Variants in CBLC observed in about 807,000 individuals in gnomAD.
CBLC encodes the protein Cbl proto-oncogene C, also known as E3 ubiquitin-protein ligase CBL-C.
In CBLC, 46 loss-of-function variants were observed where a neutral mutation model predicts 58.6. The ratio of observed to expected loss-of-function variants is 0.79; its 90% CI spans 0.62 to 1.00. The LOEUF (loss-of-function observed/expected upper bound fraction) is 1.00, where lower values mean the gene tolerates loss of function less well. Ranked by LOEUF, CBLC falls within the 50% of genes least tolerant of loss-of-function variation. The pLI is 0.00. For missense variants in CBLC, 655 were observed against 625.8 expected (o/e 1.05, Z -0.50); for synonymous variants, 271 against 264.2 (o/e 1.03, Z -0.25).
chr19:44,794,284 G>A lies in CBLC; in HGVS notation c.1362+3G>A, dbSNP rs764791471. The stretch of plus-strand genomic sequence containing the variant: ...CCAGAAATGCCCAGCCGAAAGTGGT[G>A]AGTCAGGCGCTGGTCTGAGGTTGGG... On this transcript the variant is annotated splice_donor_region_variant and intron_variant, in intron 9 of 10. Transcript: ENST00000647358. 2 of 1,612,868 alleles carry A rather than the reference G, an allele frequency of 1.2e-6. No individual in the cohort carries two copies. The highest frequency in any genetic ancestry group is 1.7e-6 in the Non-Finnish European group (2 of 1,179,500).
At chr19:44,799,378 G>A (rs890043751) in intron 9 of CBLC, among the ~76,000 whole-genome samples, 8 of 152,178 alleles carry the variant, frequency 5.3e-5, no homozygotes, top group African/African-American at 1.9e-4. Flanking sequence ...TGTTGCCCAG[G>A]CTGGAGTGCA....
chr19:44,798,018 C>T (rs1968214485), intron 9 of CBLC, among the ~76,000 whole-genome samples: 2 of 152,056 alleles, frequency 1.3e-5, no homozygotes. Context: ...GGTGCTGTGG[C>T]CCCTGGGGTT....
At position 44,800,575 on chromosome 19, in the gene CBLC, G is replaced by C. The variant is rs1176182592; in HGVS notation, c.*32G>C. ...GGGCACCCAGATGTGCTGCTCAAGG[G>C]AGCCCCAAGGGCTGGAAGGGGGTTG... is the stretch of plus-strand genomic sequence containing the variant. On this transcript the variant is annotated 3_prime_UTR_variant, in exon 11 of 11. Transcript: ENST00000647358. 1.2e-5 allele frequency: 7 copies of C among 607,926 alleles called. No individual in the cohort carries two copies. Among genetic ancestry groups the C allele is most frequent in the Admixed American group, 3.0e-5 (1 of 33,290 alleles). 37.7% of individuals were successfully genotyped at this position (607,926 alleles called of 1,614,324 possible).
chr19:44,783,224 A>T (rs569084710), intron 4 of CBLC, among the ~76,000 whole-genome samples: 1 of 151,868 alleles, frequency 6.6e-6, no homozygotes, highest in African/African-American at 2.4e-5. Flanking sequence ...TACAAAAATT[A>T]GGCCTGGCGC....
intron 6 of CBLC, 50 bp downstream of exon 6, chr19:44,790,141 C>G (rs1347061652): frequency 4.2e-6 from 6 of 1,419,974 alleles, no homozygotes; most frequent in Non-Finnish European, 6.0e-6. Context: ...CCCTGCCACC[C>G]CCACGTTGCC....
In CBLC at chr19:44,794,259, C is replaced by T. The variant is rs763325522; in HGVS notation, c.1340C>T (p.Pro447Leu). Residue 447 changes from proline (P) to leucine (L), a missense_variant, in exon 9 of 11, where the codon CCC becomes CTC. Pro to Leu is a moderately conservative substitution (Grantham distance 98). Coordinates refer to ENST00000647358, the MANE Select transcript of CBLC (RefSeq NM_012116.4). ...CGGCCAGATCTGCCCCCCAGGAAGC[C>T]CAGAAATGCCCAGCCGAAAGTGGTG... is the stretch of plus-strand genomic sequence containing the variant. Reference protein sequence around the residue: ...PPRPDLPPRKPRNAQPKVRLL... With the variant: ...PPRPDLPPRKLRNAQPKVRLL... The T allele has an allele frequency of 5.6e-6, 9 of 1,612,664 alleles. No individual in the cohort carries two copies. The Admixed American group carries it at 1.5e-4, about 27-fold the overall frequency.
At chr19:44,794,162 G>C in intron 8 of CBLC, 42 bp from the exon 9 acceptor site, 1 of 1,579,450 alleles carries the variant, frequency 6.3e-7, no homozygotes, top group Non-Finnish European at 8.6e-7. Flanking sequence ...AGAAGAAAAT[G>C]GCAGCTCACA....
intron 5 of CBLC, among the ~76,000 whole-genome samples, chr19:44,785,532 GTAGATAGATAGATAGATAGATAGA>G (rs56894232): frequency 0.016 from 2,363 of 149,012 alleles, 60 homozygotes; most frequent in South Asian, 0.056. Flanking sequence ...AGTCAGATAG[GTAGATAGATAGATAGATAGATAGA>G]TAGATAGATA....
intron 6 of CBLC, 57 bp from the exon 7 acceptor site, chr19:44,792,326 G>T: frequency 6.2e-7 from 1 of 1,600,536 alleles, no homozygotes. Context: ...GGCCCAAGTT[G>T]TGTCCCCGTG....
chr19:44,794,028 TG>T, intron 8 of CBLC, 175 bp from the exon 9 acceptor site: 1 of 687,528 alleles, frequency 1.5e-6, no homozygotes, highest in Non-Finnish European at 1.8e-6. Flanking sequence ...CCCCAAGGGC[TG>T]GGGCTGTGGC....
At chr19:44,792,567 G>A in intron 7 of CBLC, 53 bp downstream of exon 7, 1 of 1,491,984 alleles carries the variant, frequency 6.7e-7, no homozygotes, top group Non-Finnish European at 8.9e-7. Context: ...TCTCTACAGG[G>A]AAAGCCCCAA....
intron 5 of CBLC, among the ~76,000 whole-genome samples, chr19:44,785,849 T>C (rs1441581331): frequency 6.6e-6 from 1 of 151,922 alleles, no homozygotes; most frequent in Non-Finnish European, 1.5e-5. Context: ...GAGGCAGAAT[T>C]GCTTGAACCT....
At chr19:44,781,426 T>C in intron 3 of CBLC, 63 bp downstream of exon 3, 1 of 1,512,524 alleles carries the variant, frequency 6.6e-7, no homozygotes, top group Non-Finnish European at 9.0e-7. Flanking sequence ...GGCTGAATCC[T>C]GGATTCCTGG....
chr19:44,792,543 C>T, intron 7 of CBLC, 29 bp downstream of exon 7: 1 of 1,553,830 alleles, frequency 6.4e-7, no homozygotes, highest in Non-Finnish European at 8.7e-7. Flanking sequence ...GCGCCTTCCC[C>T]TCTGGTCTCC....
chr19:44,783,353 C>T (rs1178442428), intron 4 of CBLC, among the ~76,000 whole-genome samples: 1 of 151,948 alleles, frequency 6.6e-6, no homozygotes, highest in Non-Finnish European at 1.5e-5. Context: ...CTAAAAATAC[C>T]AAAAATTTAG....
chr19:44,778,183 G>A lies in CBLC; in HGVS notation c.252G>A (p.Leu84=). 1 of 1,531,964 alleles carries A rather than the reference G, an allele frequency of 6.5e-7. No homozygotes were observed. The allele number at this position is 1,531,964 out of a possible 1,614,324, so 94.9% of individuals were successfully genotyped here. Residue 84 remains leucine (L), a synonymous_variant, in exon 1 of 11, where the codon CTG becomes CTA. Coordinates refer to ENST00000647358, the MANE Select transcript of CBLC (RefSeq NM_012116.4). ...CTGGGGACTTTCTACTCATCTACCT[G>A]GCCAATCTGGAGGCCAAGAGCAGGC... ...GGSGDFLLIY[L]ANLEAKSRQV...
intron 6 of CBLC, among the ~76,000 whole-genome samples, chr19:44,790,781 A>G (rs1707651236): frequency 1.3e-5 from 2 of 152,186 alleles, no homozygotes; most frequent in Admixed American, 1.3e-4. Flanking sequence ...TATTTGGGAC[A>G]TCCTTATACT....
chr19:44,786,438 A>T (rs538197212), intron 5 of CBLC, among the ~76,000 whole-genome samples: 1 of 150,736 alleles, frequency 6.6e-6, no homozygotes, highest in East Asian at 2.0e-4. Flanking sequence ...AAAAACACAC[A>T]AAAAAAATTA....
Position 44,784,351 on chromosome 19 carries a change from T to C in CBLC, c.867T>C (p.Pro289=). The C allele has an allele frequency of 6.2e-7, 1 of 1,602,038 alleles. No individual in the cohort carries two copies. Among genetic ancestry groups the C allele is most frequent in the Non-Finnish European group, 8.5e-7 (1 of 1,170,420 alleles). ...SSDGSILQTI[P]ANKPLSQVLL... The stretch of plus-strand genomic sequence containing the variant: ...ATGGCAGCATCCTGCAGACCATCCC[T>C]GCCAACAAACCCCTGTCCCAGGTGC... The change falls in exon 5 of 11, where the codon CCT becomes CCC. Residue 289 remains proline, a synonymous_variant. Coordinates refer to ENST00000647358, the MANE Select transcript of CBLC (RefSeq NM_012116.4).
Sources: gnomAD v4.1 joint callset for allele counts (sites outside exome capture counted in the v4.1 genomes callset) on GRCh38, gnomAD v4.1.1 for gene constraint, MANE v1.5 for transcripts, NCBI Gene and HGNC (gene_info 2026-07-23, HGNC 2026-07-21) for gene names.